The following SOS1 variants were observed in gnomAD, a reference collection of about 807,000 sequenced individuals.
SOS1 encodes SOS Ras/Rac guanine nucleotide exchange factor 1.
SOS1 carries 25 observed loss-of-function variants against 157.6 expected under a neutral mutation model. The observed-to-expected ratio is 0.16, with a 90% CI of 0.12 to 0.22. The LOEUF (loss-of-function observed/expected upper bound fraction) is 0.22, where lower values mean the gene tolerates loss of function less well. SOS1 is among the 10% of genes least tolerant of loss of function. SOS1 has a pLI of 1.00. For missense variants in SOS1, 1,237 were observed against 1,599.1 expected, an observed-to-expected ratio of 0.77 and a Z score of 3.86; for synonymous variants, 528 against 534.0, an observed-to-expected ratio of 0.99 and a Z score of 0.16.
intron 2 of SOS1, among the ~76,000 whole-genome samples, chr2:39,064,521 T>G (rs1463166033): frequency 6.6e-6 from 1 of 151,994 alleles, no homozygotes; most frequent in Non-Finnish European, 1.5e-5. Context: ...AGGGCCCATT[T>G]CAAGAATATA....
At position 38,989,261 on chromosome 2, in the gene SOS1, T is replaced by A. The variant is rs147064103; in HGVS notation, c.3391+9A>T. On this transcript the variant is annotated intron_variant, in intron 21 of 22. Transcript: ENST00000402219. Reference sequence around the variant, plus strand: ...CAAGAATTATGAGTCTTAAACCAAATATACTAACTTGGGCCATGGGGCAGA... The same window carrying A: ...CAAGAATTATGAGTCTTAAACCAAAAATACTAACTTGGGCCATGGGGCAGA... 3 of 1,579,688 alleles carry A rather than the reference T, an allele frequency of 1.9e-6. No individual in the cohort carries two copies. In the African/African-American group the frequency reaches 4.0e-5, roughly 21 times the overall value.
intron 1 of SOS1, among the ~76,000 whole-genome samples, chr2:39,113,761 C>G (rs1449203191): frequency 6.6e-6 from 1 of 152,200 alleles, no homozygotes; most frequent in Non-Finnish European, 1.5e-5. Flanking sequence ...CACCAGCATT[C>G]TCTATTAGCT....
chr2:39,088,395 T>C (rs568251128), intron 1 of SOS1, among the ~76,000 whole-genome samples: 18 of 151,424 alleles, frequency 1.2e-4, no homozygotes, highest in South Asian at 6.3e-4. Context: ...TTCAGTGACA[T>C]TGTTGTGCAA....
At chr2:38,993,247 A>G (rs558871540) in intron 20 of SOS1, 5 of 152,244 alleles carry the variant, frequency 3.3e-5, no homozygotes, top group African/African-American at 1.2e-4. Context: ...GCAGCCTCAC[A>G]CTCCTGAGCT....
At chr2:39,058,510 T>A (rs1671292321) in intron 3 of SOS1, among the ~76,000 whole-genome samples, 163 bp downstream of exon 3, 1 of 152,100 alleles carries the variant, frequency 6.6e-6, no homozygotes, top group Non-Finnish European at 1.5e-5. Context: ...ATTTTCTTAT[T>A]ATCATAGCAT....
chr2:39,122,427 T>C (rs904661804), upstream of SOS1, among the ~76,000 whole-genome samples: 18 of 137,556 alleles, frequency 1.3e-4, no homozygotes, highest in Admixed American at 1.0e-3. Flanking sequence ...CAAAACTCCG[T>C]TTCAATTCAA....
Position 39,024,012 on chromosome 2 carries a change from C to T in SOS1, c.1200G>A (p.Leu400=), listed in dbSNP as rs748636051. The T allele has an allele frequency of 2.5e-6, 4 of 1,595,446 alleles. No homozygotes were observed. The highest frequency in any genetic ancestry group is 3.4e-6 in the Non-Finnish European group (4 of 1,163,502). Residue 400 remains leucine (L), a splice_region_variant and synonymous_variant, in exon 9 of 23, where the codon CTG becomes CTA. Transcript: ENST00000402219. ...TTTTAAAAAGTAAAAATATTCACCT[C>T]AGTCTTCGTTTTGCAAGACTTTTAG... ...ICSKSLAKRR[L]SESACRFYSQ...
At chr2:39,117,044 T>G (rs80161518) in intron 1 of SOS1, among the ~76,000 whole-genome samples, 1 of 151,420 alleles carries the variant, frequency 6.6e-6, no homozygotes, top group Non-Finnish European at 1.5e-5. Flanking sequence ...TTTTTTTTTT[T>G]TGAGACAGAG....
Position 38,983,364 on chromosome 2 carries a change from C to CAGTT in SOS1, c.*2456_*2459dup, listed in dbSNP as rs1377124235. 3 of 152,148 alleles carry CAGTT rather than the reference C, an allele frequency of 2.0e-5. No homozygotes were observed. Among genetic ancestry groups the CAGTT allele is most frequent in the Non-Finnish European group, 2.9e-5 (2 of 67,996 alleles). 9.4% of individuals were successfully genotyped at this position (152,148 alleles called of 1,614,324 possible). On this transcript the variant is annotated 3_prime_UTR_variant, in exon 23 of 23. Coordinates refer to ENST00000402219, the MANE Select transcript of SOS1 (RefSeq NM_005633.4). ...GGCATCCAATTGGCATTTTTCTAAT[C>CAGTT]AGTTACCACTGCAGAAAATATTTTT...
intron 8 of SOS1, among the ~76,000 whole-genome samples, chr2:39,026,510 A>G (rs1435407273): frequency 6.6e-6 from 1 of 152,240 alleles, no homozygotes; most frequent in Non-Finnish European, 1.5e-5. Flanking sequence ...GTTCTTCAAT[A>G]TGGCCAGCTA....
intron 19 of SOS1, among the ~76,000 whole-genome samples, chr2:38,996,214 C>G (rs1029523005): frequency 4.6e-5 from 7 of 152,206 alleles, no homozygotes; most frequent in Non-Finnish European, 8.8e-5. Flanking sequence ...CTCAGCCTCC[C>G]AAGTGGCTGG....
intron 8 of SOS1, among the ~76,000 whole-genome samples, chr2:39,030,646 GAAC>G (rs1670129488): frequency 6.6e-6 from 1 of 152,044 alleles, no homozygotes; most frequent in African/African-American, 2.4e-5. Context: ...TGGAGAATCA[GAAC>G]AACAAAAATT....
intron 9 of SOS1, among the ~76,000 whole-genome samples, chr2:39,023,471 TG>T (rs1669862775): frequency 6.6e-6 from 1 of 152,050 alleles, no homozygotes; most frequent in Non-Finnish European, 1.5e-5. Flanking sequence ...AACTACAAAA[TG>T]ATTATTTCTA....
intron 6 of SOS1, among the ~76,000 whole-genome samples, chr2:39,045,261 A>AGG (rs1231669936): frequency 3.1e-5 from 4 of 129,586 alleles, no homozygotes; most frequent in African/African-American, 1.1e-4. Flanking sequence ...AGAGAGAGAG[A>AGG]GAGAGAGAGA....
Position 38,982,460 on chromosome 2 carries a change from C to T in SOS1, c.*3364G>A, listed in dbSNP as rs573859628. 2.6e-5 allele frequency: 4 copies of T among 152,064 alleles called. No homozygotes were observed. The highest frequency in any genetic ancestry group is 6.6e-5 in the Admixed American group (1 of 15,262). The allele number at this position is 152,064 out of a possible 1,614,324, so 9.4% of individuals were successfully genotyped here. A position where few individuals can be genotyped will look rare whatever the true frequency, so the allele number is the denominator to read the frequency against. Reference sequence around the variant, plus strand: ...TAACTTTACTGCATAATTCTTTCAGCCAAACCAATATTAACCTTGTGATGT... The same window carrying T: ...TAACTTTACTGCATAATTCTTTCAGTCAAACCAATATTAACCTTGTGATGT... On this transcript the variant is annotated 3_prime_UTR_variant, in exon 23 of 23. Transcript: ENST00000402219.
intron 1 of SOS1, among the ~76,000 whole-genome samples, chr2:39,090,923 C>T (rs751527596): frequency 2.0e-5 from 3 of 152,050 alleles, no homozygotes. Flanking sequence ...AGCTGGAGTG[C>T]AGTGTTGCGA....
At position 39,062,859 on chromosome 2, in the gene SOS1, A is replaced by G. The variant is rs988726718; in HGVS notation, c.214-4055T>C. ...TTTCAAAGTTTAAATACAGAAAATTATATTTATTATAAAAGAGGGAAAGAA... is the reference window on the plus strand; with the variant it reads ...TTTCAAAGTTTAAATACAGAAAATTGTATTTATTATAAAAGAGGGAAAGAA... On this transcript the variant is annotated intron_variant, in intron 2 of 22. Transcript: ENST00000402219. Among the ~76,000 whole-genome samples the G allele has an allele frequency of 2.0e-5, 3 of 152,014 alleles. 1 individual carries two copies. The highest frequency in any genetic ancestry group is 7.2e-5 in the African/African-American group (3 of 41,428).
intron 20 of SOS1, among the ~76,000 whole-genome samples, chr2:38,994,649 A>G (rs1388064468): frequency 6.6e-6 from 1 of 152,152 alleles, no homozygotes; most frequent in Admixed American, 6.5e-5. Flanking sequence ...AAAACTTCCA[A>G]TGAGCATTTC....
intron 1 of SOS1, among the ~76,000 whole-genome samples, chr2:39,102,666 C>A (rs1019049495): frequency 1.3e-5 from 2 of 151,988 alleles, no homozygotes; most frequent in African/African-American, 4.8e-5. Flanking sequence ...CTGGTGCGGC[C>A]GGGCATGGTA....
Sources: gnomAD v4.1 joint callset for allele counts (sites outside exome capture counted in the v4.1 genomes callset) on GRCh38, gnomAD v4.1.1 for gene constraint, MANE v1.5 for transcripts, NCBI Gene and HGNC (gene_info 2026-07-23, HGNC 2026-07-21) for gene names.